The following PTPRG variants were observed in gnomAD, a reference collection of about 807,000 sequenced individuals.
The protein encoded by PTPRG is receptor-type tyrosine-protein phosphatase gamma.
PTPRG carries 102 observed loss-of-function variants against 165.3 expected under a neutral mutation model. That is an observed-to-expected ratio of 0.62 (90% CI 0.53 to 0.73). PTPRG has a LOEUF of 0.73. Ranked by LOEUF, PTPRG falls within the 30% of genes least tolerant of loss-of-function variation. The probability of loss-of-function intolerance (pLI) is 0.00; values close to 1 mark genes in which losing one functional copy is unlikely to be tolerated. For synonymous variants in PTPRG, 675 were observed against 669.5 expected (o/e 1.01, Z -0.13); for missense variants, 1,866 against 1,861.4 (o/e 1.00, Z -0.05).
intron 2 of PTPRG, among the ~76,000 whole-genome samples, chr3:61,932,841 C>A (rs1301138770): frequency 2.0e-5 from 3 of 152,176 alleles, no homozygotes; most frequent in Non-Finnish European, 4.4e-5. Context: ...GCGCAGCATT[C>A]TCGTGTTCTC....
At chr3:62,116,979 G>A (rs1702890347) in intron 5 of PTPRG, among the ~76,000 whole-genome samples, 1 of 152,104 alleles carries the variant, frequency 6.6e-6, no homozygotes, top group South Asian at 2.1e-4. Flanking sequence ...AGGTTCACAG[G>A]CACCAATTTA....
At chr3:62,093,665 A>AAGGG (rs1361357329) in intron 5 of PTPRG, among the ~76,000 whole-genome samples, 4 of 152,182 alleles carry the variant, frequency 2.6e-5, no homozygotes, top group African/African-American at 9.6e-5. Context: ...ACTCAGGTAC[A>AAGGG]AGGGATTAGG....
intron 2 of PTPRG, among the ~76,000 whole-genome samples, chr3:61,867,967 G>T (rs188773546): frequency 6.6e-6 from 1 of 152,110 alleles, no homozygotes; most frequent in African/African-American, 2.4e-5. Context: ...GGCACCCAGG[G>T]CATGAGAAGG....
At chr3:61,658,904 C>T (rs1241902138) in intron 1 of PTPRG, among the ~76,000 whole-genome samples, 1 of 152,158 alleles carries the variant, frequency 6.6e-6, no homozygotes. Flanking sequence ...GCCACCATGC[C>T]CTTGGAACTT....
intron 19 of PTPRG, among the ~76,000 whole-genome samples, chr3:62,268,071 C>G (rs1218125403): frequency 6.6e-6 from 1 of 151,992 alleles, no homozygotes; most frequent in Non-Finnish European, 1.5e-5. Flanking sequence ...TCTGTACATT[C>G]CTCTGTACAG....
intron 14 of PTPRG, among the ~76,000 whole-genome samples, chr3:62,232,053 T>C (rs957055567): frequency 1.3e-5 from 2 of 152,170 alleles, no homozygotes; most frequent in African/African-American, 4.8e-5. Flanking sequence ...AATTCACTAA[T>C]CCATATTATG....
chr3:61,606,757 C>T (rs114279844), intron 1 of PTPRG, among the ~76,000 whole-genome samples: 392 of 152,286 alleles, frequency 2.6e-3, no homozygotes, highest in African/African-American at 8.6e-3. Flanking sequence ...TTCCTGGAGG[C>T]GCTGTGGGTC....
At chr3:61,749,336 G>C in intron 2 of PTPRG, 1 of 370,774 alleles carries the variant, frequency 2.7e-6, no homozygotes, top group Non-Finnish European at 5.2e-6. Context: ...GGCTAGTCTT[G>C]AGCTGCTAAA....
intron 2 of PTPRG, among the ~76,000 whole-genome samples, chr3:61,752,225 A>C (rs2033461245): frequency 6.6e-6 from 1 of 152,136 alleles, no homozygotes; most frequent in Non-Finnish European, 1.5e-5. Context: ...GGATTTGGGC[A>C]TGAGGGTTAA....
chr3:62,249,783 A>T (rs971227316), intron 15 of PTPRG, among the ~76,000 whole-genome samples: 2 of 152,190 alleles, frequency 1.3e-5, no homozygotes, highest in Non-Finnish European at 2.9e-5. Flanking sequence ...ACTGAAGCCT[A>T]CCCTCAAAGC....
At chr3:61,737,968 G>A (rs1199437648) in intron 1 of PTPRG, among the ~76,000 whole-genome samples, 1 of 149,526 alleles carries the variant, frequency 6.7e-6, no homozygotes, top group African/African-American at 2.5e-5. Flanking sequence ...GAGTGCAGTG[G>A]CGCGATCTTG....
intron 1 of PTPRG, among the ~76,000 whole-genome samples, chr3:61,586,567 A>G (rs1174660228): frequency 6.6e-6 from 1 of 152,206 alleles, no homozygotes; most frequent in East Asian, 1.9e-4. Context: ...CTGCAGGGCC[A>G]ACATTACTGA....
At chr3:61,624,191 C>T (rs1294086714) in intron 1 of PTPRG, among the ~76,000 whole-genome samples, 2 of 152,212 alleles carry the variant, frequency 1.3e-5, no homozygotes, top group Admixed American at 6.5e-5. Flanking sequence ...ATTTAAATCC[C>T]GACTCTACCA....
In PTPRG at chr3:61,687,551, T is replaced by C. The variant is rs114936632; in HGVS notation, c.86-61327T>C. On this transcript the variant is annotated intron_variant, in intron 1 of 29. Coordinates refer to ENST00000474889, the MANE Select transcript of PTPRG (RefSeq NM_002841.4). ...TTTCCAGTTGATATTTTTTATTCTT[T>C]TCAAACCAAATCACTGCAGTGAAAA... Among the ~76,000 whole-genome samples the C allele has an allele frequency of 7.0e-3, 1,063 of 152,308 alleles. 12 individuals are homozygous for C. The highest frequency in any genetic ancestry group is 0.024 in the African/African-American group (996 of 41,562).
intron 5 of PTPRG, among the ~76,000 whole-genome samples, chr3:62,110,335 T>G (rs537515672): frequency 2.6e-5 from 4 of 152,052 alleles, no homozygotes; most frequent in Non-Finnish European, 5.9e-5. Flanking sequence ...CAACAGCTAT[T>G]TTGTTCAGCA....
chr3:61,902,755 T>G (rs946711201), intron 2 of PTPRG, among the ~76,000 whole-genome samples: 4 of 152,202 alleles, frequency 2.6e-5, no homozygotes, highest in African/African-American at 9.7e-5. Flanking sequence ...GGTAAATACT[T>G]CCTACCTGGT....
intron 1 of PTPRG, among the ~76,000 whole-genome samples, chr3:61,678,125 T>G (rs1703300232): frequency 6.6e-6 from 1 of 152,242 alleles, no homozygotes; most frequent in South Asian, 2.1e-4. Context: ...CCAGCTCAGC[T>G]CGTGCTGTTT....
chr3:61,808,265 G>A (rs1015967025), intron 2 of PTPRG, among the ~76,000 whole-genome samples: 1 of 152,100 alleles, frequency 6.6e-6, no homozygotes, highest in African/African-American at 2.4e-5. Context: ...TTTTTTGTTT[G>A]GTTATTTTTA....
At position 61,623,383 on chromosome 3, in the gene PTPRG, G is replaced by A. The variant is rs76323934; in HGVS notation, c.85+61011G>A. Among the ~76,000 whole-genome samples the A allele has an allele frequency of 9.1e-3, 1,386 of 152,280 alleles. 23 individuals are homozygous for A. Among genetic ancestry groups the A allele is most frequent in the African/African-American group, 0.032 (1,319 of 41,566 alleles). On this transcript the variant is annotated intron_variant, in intron 1 of 29. Coordinates refer to ENST00000474889, the MANE Select transcript of PTPRG (RefSeq NM_002841.4). ...AAGGCAGAGGAAAGTTGGGGGACTA[G>A]AACACAGAGAAATCGGGGGGAAGGA...
Sources: allele counts gnomAD v4.1 joint callset (sites outside exome capture counted in the v4.1 genomes callset), GRCh38; gene constraint gnomAD v4.1.1; transcripts MANE v1.5; gene names NCBI Gene and HGNC (gene_info 2026-07-23, HGNC 2026-07-21).